Variants in SDK1 observed in about 807,000 individuals in gnomAD.
SDK1 encodes the protein protein sidekick-1.
Under a neutral mutation model 245.5 loss-of-function variants are expected in SDK1, and 157 were observed. The ratio of observed to expected loss-of-function variants is 0.64; its 90% CI spans 0.56 to 0.73. The LOEUF is 0.73. Among genes scored for constraint, SDK1 ranks in the 30% least tolerant of loss-of-function variants. SDK1 has a pLI of 0.00. For synonymous variants in SDK1, 1,647 were observed against 1,278.5 expected (o/e 1.29, Z -6.15); for missense variants, 3,583 against 3,002.3 (o/e 1.19, Z -4.52).
intron 25 of SDK1, among the ~76,000 whole-genome samples, chr7:4,124,278 A>G (rs1784242701): frequency 6.6e-6 from 1 of 152,158 alleles, no homozygotes; most frequent in Non-Finnish European, 1.5e-5. Flanking sequence ...TTCTGTTACC[A>G]TTCTGGAAGG....
intron 1 of SDK1, among the ~76,000 whole-genome samples, chr7:3,405,263 T>C (rs536842293): frequency 6.6e-6 from 1 of 151,748 alleles, no homozygotes; most frequent in East Asian, 1.9e-4. Flanking sequence ...AGTACTCTGG[T>C]ATTATAGGAG....
chr7:3,875,215 T>TC (rs34860563), intron 5 of SDK1, among the ~76,000 whole-genome samples: 36,229 of 152,092 alleles, frequency 0.24, 4,644 homozygotes, highest in African/African-American at 0.33. Flanking sequence ...GTTAGTTTTT[T>TC]CCCTGTACCC....
chr7:4,029,961 C>T (rs1047924731), intron 17 of SDK1, among the ~76,000 whole-genome samples: 5 of 152,216 alleles, frequency 3.3e-5, no homozygotes, highest in Non-Finnish European at 5.9e-5. Context: ...GATGGGGAGA[C>T]GTGACTTGTC....
chr7:3,934,040 G>A (rs752789210), intron 5 of SDK1, among the ~76,000 whole-genome samples: 5 of 152,296 alleles, frequency 3.3e-5, no homozygotes, highest in South Asian at 2.1e-4. Flanking sequence ...TTCACCAGCC[G>A]CACGGCATCC....
intron 1 of SDK1, among the ~76,000 whole-genome samples, chr7:3,460,473 T>G (rs7786415): frequency 0.1 from 15,899 of 152,236 alleles, 1,064 homozygotes; most frequent in African/African-American, 0.18. Flanking sequence ...TAACTTTTTG[T>G]GCAGCTTAAA....
intron 1 of SDK1, among the ~76,000 whole-genome samples, chr7:3,611,266 G>A (rs931367556): frequency 3.3e-5 from 5 of 152,178 alleles, no homozygotes; most frequent in Admixed American, 6.5e-5. Context: ...GGAATTTGCT[G>A]TGATAATAGA....
intron 5 of SDK1, among the ~76,000 whole-genome samples, chr7:3,857,456 G>A (rs1032751860): frequency 2.0e-5 from 3 of 152,152 alleles, no homozygotes; most frequent in Non-Finnish European, 4.4e-5. Context: ...GACATGGCAG[G>A]GGGATTGTTT....
At chr7:4,077,458 A>T (rs898748061) in intron 21 of SDK1, among the ~76,000 whole-genome samples, 2 of 152,206 alleles carry the variant, frequency 1.3e-5, no homozygotes, top group African/African-American at 4.8e-5. Context: ...AAGTGTTTAA[A>T]GCCAGTTCCC....
intron 5 of SDK1, among the ~76,000 whole-genome samples, chr7:3,854,895 T>C (rs191957669): frequency 1.3e-5 from 2 of 152,214 alleles, no homozygotes; most frequent in East Asian, 3.9e-4. Context: ...CTACAAAAGA[T>C]GGGACGAACA....
intron 5 of SDK1, among the ~76,000 whole-genome samples, chr7:3,863,598 G>T (rs1048842676): frequency 1.3e-5 from 2 of 152,048 alleles, no homozygotes; most frequent in South Asian, 2.1e-4. Flanking sequence ...TCCCTCTTCA[G>T]CATCCTCACT....
chr7:3,864,432 C>A (rs1343220760), intron 5 of SDK1, among the ~76,000 whole-genome samples: 2 of 152,168 alleles, frequency 1.3e-5, no homozygotes, highest in African/African-American at 4.8e-5. Flanking sequence ...CCCTTTCCTG[C>A]CTGACGTCTC....
intron 34 of SDK1, among the ~76,000 whole-genome samples, chr7:4,176,542 A>G (rs1418959140): frequency 1.3e-5 from 2 of 152,216 alleles, no homozygotes; most frequent in Non-Finnish European, 2.9e-5. Flanking sequence ...TGTACAGTTC[A>G]GTGGCATTAA....
chr7:4,127,340 CT>C, intron 25 of SDK1, 40 bp from the exon 26 acceptor site: 1 of 1,449,226 alleles, frequency 6.9e-7, no homozygotes, highest in Non-Finnish European at 9.7e-7. Context: ...TGTAGACACT[CT>C]AGATTTTGGA....
intron 4 of SDK1, among the ~76,000 whole-genome samples, chr7:3,820,033 G>A (rs1049876184): frequency 6.6e-6 from 1 of 152,148 alleles, no homozygotes; most frequent in Non-Finnish European, 1.5e-5. Context: ...AGAGACCTAA[G>A]ATGTTTCTCT....
intron 5 of SDK1, among the ~76,000 whole-genome samples, chr7:3,861,827 G>T (rs566732210): frequency 2.0e-5 from 3 of 152,264 alleles, no homozygotes; most frequent in African/African-American, 4.8e-5. Context: ...AAACAATTAA[G>T]AGGATGTAAT....
chr7:4,261,968 C>T (rs1047304876), intron 44 of SDK1, among the ~76,000 whole-genome samples: 2 of 150,088 alleles, frequency 1.3e-5, no homozygotes, highest in Non-Finnish European at 1.5e-5. Context: ...AACCGAGAAA[C>T]CTCCACCTTC....
At chr7:3,811,553 C>G (rs898814560) in intron 4 of SDK1, among the ~76,000 whole-genome samples, 1 of 152,116 alleles carries the variant, frequency 6.6e-6, no homozygotes, top group Non-Finnish European at 1.5e-5. Flanking sequence ...ATTCAGAGAC[C>G]GACAATATGC....
In SDK1 at chr7:4,145,792, A is replaced by G. The variant is rs1179159636; in HGVS notation, c.4299A>G (p.Thr1433=). Residue 1433 remains threonine, a synonymous_variant, in exon 29 of 45, where the codon ACA becomes ACG. Transcript: ENST00000404826. The stretch of plus-strand genomic sequence containing the variant: ...TCACCACCGTGGAGGTCGGCGCCAC[A>G]GTGAGGCAGTTCACAGCCACCGACC... ...HTFTTVEVGA[T]VRQFTATDLA... 4 of 1,613,738 alleles carry G rather than the reference A, an allele frequency of 2.5e-6. No individual in the cohort carries two copies. In the South Asian group the frequency reaches 4.4e-5, roughly 18 times the overall value.
chr7:3,374,440 C>G (rs1255320411), intron 1 of SDK1, among the ~76,000 whole-genome samples: 1 of 152,078 alleles, frequency 6.6e-6, no homozygotes, highest in East Asian at 1.9e-4. Context: ...GTTGGGTTGC[C>G]TTACTGTAGT....
Sources: gnomAD v4.1 joint callset for allele counts (sites outside exome capture counted in the v4.1 genomes callset) on GRCh38, gnomAD v4.1.1 for gene constraint, MANE v1.5 for transcripts, NCBI Gene and HGNC (gene_info 2026-07-23, HGNC 2026-07-21) for gene names.